EFCC1: variants seen among roughly 807,000 people sequenced by gnomAD.
The protein encoded by EFCC1 is EF-hand and coiled-coil domain-containing protein 1.
A neutral mutation model predicts 52.1 loss-of-function variants in EFCC1; 50 were observed. The ratio of observed to expected loss-of-function variants is 0.96; its 90% CI spans 0.76 to 1.21. The LOEUF (loss-of-function observed/expected upper bound fraction) is 1.21. Among genes scored for constraint, EFCC1 ranks in the 50% most tolerant of loss-of-function variants. The pLI, the probability that EFCC1 is intolerant of heterozygous loss-of-function variation, is 0.00. For missense variants in EFCC1, 837 were observed against 867.3 expected (o/e 0.97, Z 0.44); for synonymous variants, 399 against 396.5 (o/e 1.01, Z -0.08).
Position 129,040,263 on chromosome 3 carries a change from T to G in EFCC1, c.*415T>G. 5.7e-6 allele frequency: 1 copy of G among 174,668 alleles called. No individual in the cohort carries two copies. 10.8% of individuals were successfully genotyped at this position (174,668 alleles called of 1,614,324 possible). A position where few individuals can be genotyped will look rare whatever the true frequency, so the allele number is the denominator to read the frequency against. On this transcript the variant is annotated 3_prime_UTR_variant, in exon 8 of 8. Transcript: ENST00000683648. The surrounding 1 kb of genome is among the most constrained non-coding windows in gnomAD (Gnocchi z 4.4). Reference sequence around the variant, plus strand: ...GTCTCCTTCCTCCCACTGGCATGCCTGCTGCAACGGAGACTGGGCCCAACC... The same window carrying G: ...GTCTCCTTCCTCCCACTGGCATGCCGGCTGCAACGGAGACTGGGCCCAACC...
intron 2 of EFCC1, among the ~76,000 whole-genome samples, chr3:129,017,904 A>G (rs867944110): frequency 1.3e-5 from 2 of 152,158 alleles, no homozygotes; most frequent in African/African-American, 4.8e-5. Context: ...AAGAAAGTTA[A>G]CCTCAGAGAA....
rs1161429314 is a variant in EFCC1 at position 129,040,002 on chromosome 3, A to T, written c.*154A>T. ...TCCTTCCAAGGTTAAGCCCGAGCCCAGAGCCTCCCATTGCAGCACCTGGCA... is the reference window on the plus strand; with the variant it reads ...TCCTTCCAAGGTTAAGCCCGAGCCCTGAGCCTCCCATTGCAGCACCTGGCA... On this transcript the variant is annotated 3_prime_UTR_variant, in exon 8 of 8. Coordinates refer to ENST00000683648, the MANE Select transcript of EFCC1 (RefSeq NM_001377500.1). This position sits in a 1 kb window ranked among gnomAD's most constrained non-coding sequence, Gnocchi z 4.4. 2.8e-6 allele frequency: 3 copies of T among 1,055,746 alleles called. No individual in the cohort carries two copies. Among genetic ancestry groups the T allele is most frequent in the Non-Finnish European group, 3.8e-6 (3 of 782,960 alleles). 65.4% of individuals were successfully genotyped at this position (1,055,746 alleles called of 1,614,324 possible). A position where few individuals can be genotyped will look rare whatever the true frequency, so the allele number is the denominator to read the frequency against.
intron 6 of EFCC1, among the ~76,000 whole-genome samples, chr3:129,037,879 G>A (rs1404970569): frequency 1.3e-5 from 2 of 150,796 alleles, no homozygotes; most frequent in Non-Finnish European, 3.0e-5. Context: ...TGGCCAATAT[G>A]GTGAAACCCC....
At position 129,034,307 on chromosome 3, in the gene EFCC1, C is replaced by A. The variant is rs1946328246; in HGVS notation, c.1430C>A (p.Thr477Asn). 6.8e-6 allele frequency: 11 copies of A among 1,613,976 alleles called. No homozygotes were observed. Among genetic ancestry groups the A allele is most frequent in the Middle Eastern group, 1.7e-4 (1 of 6,024 alleles). Residue 477 changes from threonine to asparagine, a missense_variant, in exon 5 of 8, where the codon ACC becomes AAC. Thr to Asn is a moderately conservative substitution (Grantham distance 65, BLOSUM62 0). Coordinates refer to ENST00000683648, the MANE Select transcript of EFCC1 (RefSeq NM_001377500.1). ...QLRTQGCGGR[T>N]LGTSEEEAEL... ...AGGACTCAGGGCTGCGGTGGGAGGA[C>A]CCTGGGGACCTCTGAGGAGGAGGTC...
intron 2 of EFCC1, among the ~76,000 whole-genome samples, chr3:129,029,585 G>GTT (rs71843371): frequency 2.3e-3 from 343 of 148,200 alleles, no homozygotes; most frequent in African/African-American, 6.8e-3. Flanking sequence ...TTGTTTTTTG[G>GTT]TTTTTTTTTT....
intron 2 of EFCC1, among the ~76,000 whole-genome samples, chr3:129,012,353 C>A (rs1004126231): frequency 1.3e-5 from 2 of 152,174 alleles, no homozygotes; most frequent in Admixed American, 6.5e-5. Context: ...GGTGTGCCTG[C>A]ATTTGCTACA....
chr3:129,020,628 C>T (rs1011370599), intron 2 of EFCC1, among the ~76,000 whole-genome samples: 2 of 152,214 alleles, frequency 1.3e-5, no homozygotes, highest in African/African-American at 4.8e-5. Context: ...CAGAGTAACA[C>T]CCTGTCTCAA....
chr3:129,007,021 TCA>T (rs1390368557), intron 2 of EFCC1, among the ~76,000 whole-genome samples: 1 of 152,172 alleles, frequency 6.6e-6, no homozygotes, highest in Non-Finnish European at 1.5e-5. Context: ...TGTCAGCATT[TCA>T]CAGACAAGAA....
In EFCC1 at chr3:129,036,974, CAGG is replaced by C; in HGVS notation, c.1453-2_1453del. 6.2e-7 allele frequency: 1 copy of C among 1,613,844 alleles called. No homozygotes were observed. Among genetic ancestry groups the C allele is most frequent in the Non-Finnish European group, 8.5e-7 (1 of 1,179,986 alleles). On this transcript the variant is annotated splice_acceptor_variant and coding_sequence_variant, in exon 6 of 8. Transcript: ENST00000683648. LOFTEE classifies it high-confidence loss of function. Reference sequence around the variant, plus strand: ...GTGAGCACTGAGCCCCTTCTCTTCCCAGGCAGAGTTGCAGCAGAAGGTGGAAGA... The same window carrying C: ...GTGAGCACTGAGCCCCTTCTCTTCCCCAGAGTTGCAGCAGAAGGTGGAAGA...
chr3:129,001,519 G>T lies in EFCC1; in HGVS notation c.-110G>T. On this transcript the variant is annotated 5_prime_UTR_variant, in exon 1 of 8. Transcript: ENST00000683648. Reference sequence around the variant, plus strand: ...ACGGTCCCCGGCGCCGCTCCAACCAGACCGCGACCGCTAAGCCCCTCCTTT... The same window carrying T: ...ACGGTCCCCGGCGCCGCTCCAACCATACCGCGACCGCTAAGCCCCTCCTTT... 7.5e-7 allele frequency: 1 copy of T among 1,331,094 alleles called. No individual in the cohort carries two copies. Among genetic ancestry groups the T allele is most frequent in the South Asian group, 2.0e-5 (1 of 49,352 alleles). 82.5% of individuals were successfully genotyped at this position (1,331,094 alleles called of 1,614,324 possible).
intron 2 of EFCC1, chr3:129,030,471 G>A (rs1559974050): frequency 2.2e-5 from 8 of 366,658 alleles, no homozygotes; most frequent in Non-Finnish European, 3.8e-5. Flanking sequence ...ATGAAAATCC[G>A]TTGCAGAAGA....
chr3:129,010,511 G>C lies in EFCC1; in HGVS notation c.980+6434G>C, dbSNP rs574051458. 6.6e-6 allele frequency among the ~76,000 whole-genome samples: 1 copy of C among 152,148 alleles called. No homozygotes were observed. The highest frequency in any genetic ancestry group is 2.4e-5 in the African/African-American group (1 of 41,446). On this transcript the variant is annotated intron_variant, in intron 2 of 7. Transcript: ENST00000683648. The surrounding 1 kb of genome is among the most constrained non-coding windows in gnomAD (Gnocchi z 4.3). ...GTGAAAAGGCTGGGATGGAGGAAAG[G>C]GGGTGGGAGAGGGAGGGAGGAGGGA... is the stretch of plus-strand genomic sequence containing the variant.
rs534307674 is a variant in EFCC1 at position 129,028,983 on chromosome 3, CT to C, written c.981-1719del. Among the ~76,000 whole-genome samples the C allele has an allele frequency of 2.4e-3, 373 of 152,274 alleles. 3 individuals carry two copies. The highest frequency in any genetic ancestry group is 8.6e-3 in the African/African-American group (358 of 41,538). ...GGTTTTCTTCGTGCAGCAGAGCACT[CT>C]CCTGATGCTCCTGGCTGGTGCTCAT... is the stretch of plus-strand genomic sequence containing the variant. On this transcript the variant is annotated intron_variant, in intron 2 of 7. Coordinates refer to ENST00000683648, the MANE Select transcript of EFCC1 (RefSeq NM_001377500.1).
intron 2 of EFCC1, among the ~76,000 whole-genome samples, chr3:129,006,170 C>G (rs1309757696): frequency 6.6e-6 from 1 of 152,230 alleles, no homozygotes; most frequent in East Asian, 1.9e-4. Context: ...GTCAAATCAG[C>G]CTGGCCCCAC....
chr3:129,027,658 G>A (rs1295466529), intron 2 of EFCC1, among the ~76,000 whole-genome samples: 1 of 152,274 alleles, frequency 6.6e-6, no homozygotes, highest in East Asian at 1.9e-4. Flanking sequence ...TGTAAAACAT[G>A]TAAAATGGGG....
intron 2 of EFCC1, among the ~76,000 whole-genome samples, chr3:129,024,580 G>A (rs1310846695): frequency 6.6e-6 from 1 of 152,016 alleles, no homozygotes; most frequent in African/African-American, 2.4e-5. Context: ...TTTAGCTAAG[G>A]GTTCTGGAGG....
rs910050633 is a variant in EFCC1 at position 129,014,063 on chromosome 3, G to C, written c.980+9986G>C. On this transcript the variant is annotated intron_variant, in intron 2 of 7. Coordinates refer to ENST00000683648, the MANE Select transcript of EFCC1 (RefSeq NM_001377500.1). This position sits in a 1 kb window ranked among gnomAD's most constrained non-coding sequence, Gnocchi z 4.3. ...AGGAAGGGGCAGACAGAGTCTTCAGGCTCTTCATTTTGCCTCTTCATGATT... is the reference window on the plus strand; with the variant it reads ...AGGAAGGGGCAGACAGAGTCTTCAGCCTCTTCATTTTGCCTCTTCATGATT... 6.6e-6 allele frequency among the ~76,000 whole-genome samples: 1 copy of C among 152,222 alleles called. No homozygotes were observed. Among genetic ancestry groups the C allele is most frequent in the Non-Finnish European group, 1.5e-5 (1 of 68,040 alleles).
chr3:129,034,421 C>G, intron 5 of EFCC1, 92 bp downstream of exon 5: 2 of 1,422,850 alleles, frequency 1.4e-6, no homozygotes, highest in Non-Finnish European at 1.9e-6. Flanking sequence ...TCTTGTGCCT[C>G]ATTCCCAGAT....
intron 2 of EFCC1, among the ~76,000 whole-genome samples, chr3:129,024,235 G>A (rs1945997606): frequency 6.6e-6 from 1 of 152,050 alleles, no homozygotes; most frequent in South Asian, 2.1e-4. Flanking sequence ...AATTTATAAA[G>A]AAAAGAAATT....
Sources: gnomAD v4.1 joint callset for allele counts (sites outside exome capture counted in the v4.1 genomes callset) on GRCh38, gnomAD v4.1.1 for gene constraint, Gnocchi (gnomAD v3.1) non-coding constraint, MANE v1.5 for transcripts, NCBI Gene and HGNC (gene_info 2026-07-23, HGNC 2026-07-21) for gene names.